Variants in SYNE2 observed in about 807,000 individuals in gnomAD.
SYNE2 encodes the protein nesprin-2.
SYNE2 carries 431 observed loss-of-function variants against 856.3 expected under a neutral mutation model. The ratio of observed to expected loss-of-function variants is 0.50; its 90% CI spans 0.47 to 0.55. The LOEUF is 0.55. SYNE2 is among the 20% of genes least tolerant of loss of function. The probability of loss-of-function intolerance (pLI) is 0.00; values close to 1 mark genes in which losing one functional copy is unlikely to be tolerated. For synonymous variants in SYNE2, 2,923 were observed against 2,872.3 expected, an observed-to-expected ratio of 1.02 and a Z score of -0.56; for missense variants, 8,129 against 8,023.2, an observed-to-expected ratio of 1.01 and a Z score of -0.50.
chr14:64,184,578 C>T (rs959829197), intron 96 of SYNE2, among the ~76,000 whole-genome samples: 41 of 152,162 alleles, frequency 2.7e-4, no homozygotes, highest in African/African-American at 9.9e-4. Context: ...TGCCACCTGA[C>T]TGGGAAACTC....
chr14:63,876,728 C>T (rs963099943), intron 1 of SYNE2, among the ~76,000 whole-genome samples: 7 of 152,216 alleles, frequency 4.6e-5, no homozygotes, highest in East Asian at 1.9e-4. Flanking sequence ...CCTTGTGATC[C>T]GCCCACCTCA....
chr14:64,215,552 C>T (rs887353708), intron 107 of SYNE2, 198 bp downstream of exon 107: 17 of 646,776 alleles, frequency 2.6e-5, no homozygotes, highest in East Asian at 1.4e-4. Flanking sequence ...AAGCCAGAGC[C>T]GTCTCGATGC....
Position 64,175,078 on chromosome 14 carries a change from C to G in SYNE2, c.17370C>G (p.Ser5790Arg). The G allele has an allele frequency of 6.2e-7, 1 of 1,614,176 alleles. No individual in the cohort carries two copies. The highest frequency in any genetic ancestry group is 1.1e-5 in the South Asian group (1 of 91,072). Reference protein sequence around the residue: ...VGRRISQLQDSWKDMEPQLAE... With the variant: ...VGRRISQLQDRWKDMEPQLAE... ...GGAGAATCAGTCAACTTCAGGACAGCTGGAAAGACATGGAGCCCCAGCTGG... is the reference window on the plus strand; with the variant it reads ...GGAGAATCAGTCAACTTCAGGACAGGTGGAAAGACATGGAGCCCCAGCTGG... Residue 5790 changes from serine (S) to arginine (R), a missense_variant, in exon 95 of 116, where the codon AGC (serine) becomes AGG (arginine). By Grantham distance (110) the Ser-to-Arg change is moderately radical. This residue lies in a region of SYNE2 where 5,410 missense variants were observed against 5,284.8 expected (regional missense o/e 1.02). Coordinates refer to ENST00000555002, the MANE Select transcript of SYNE2 (RefSeq NM_182914.3).
In SYNE2 at chr14:64,002,725, C is replaced by G. The variant is rs970964370; in HGVS notation, c.3792C>G (p.Ile1264Met). The G allele has an allele frequency of 5.6e-6, 9 of 1,611,704 alleles. No homozygotes were observed. Among genetic ancestry groups the G allele is most frequent in the African/African-American group, 1.3e-5 (1 of 74,812 alleles). ...TTTTCTTATCTTTATTTTAGAATAT[C>G]CAAGATTCCATAGCAAAACAGATTG... Reference protein sequence around the residue: ...ADRIYQHLRNIQDSIAKQIEI... With the variant: ...ADRIYQHLRNMQDSIAKQIEI... Residue 1264 changes from isoleucine (I) to methionine (M), a missense_variant, in exon 30 of 116, where the codon ATC (isoleucine) becomes ATG (methionine). This residue lies in a region of SYNE2 where 2,422 missense variants were observed against 2,357.4 expected (regional missense o/e 1.03). Transcript: ENST00000555002.
chr14:63,765,857 C>A (rs1315714118), intron 1 of SYNE2, among the ~76,000 whole-genome samples: 1 of 151,998 alleles, frequency 6.6e-6, no homozygotes, highest in Admixed American at 6.6e-5. Flanking sequence ...TATATCTGCC[C>A]TGGCCAGGTG....
At chr14:64,125,660 T>C (rs1053270428) in intron 71 of SYNE2, among the ~76,000 whole-genome samples, 2 of 152,180 alleles carry the variant, frequency 1.3e-5, no homozygotes, top group Non-Finnish European at 1.5e-5. Flanking sequence ...AAACTACTTA[T>C]AACTGTTCAA....
Position 63,977,938 on chromosome 14 carries a change from A to G in SYNE2, c.1327A>G (p.Ile443Val). ...LMDRFEHHSNILLTFENKDEN... is the reference protein window; with the variant it reads ...LMDRFEHHSNVLLTFENKDEN... Reference sequence around the variant, plus strand: ...GGATAGATTTGAGCATCATTCGAACATTCTCCTTACCTTTGAAAATAAGGA... The same window carrying G: ...GGATAGATTTGAGCATCATTCGAACGTTCTCCTTACCTTTGAAAATAAGGA... Residue 443 changes from isoleucine (I) to valine (V), a missense_variant, in exon 13 of 116, where the codon ATT (isoleucine) becomes GTT (valine). By Grantham distance (29) the Ile-to-Val change is conservative (BLOSUM62 3). This residue lies in a region of SYNE2 where 2,422 missense variants were observed against 2,357.4 expected (regional missense o/e 1.03). Coordinates refer to ENST00000555002, the MANE Select transcript of SYNE2 (RefSeq NM_182914.3). The G allele has an allele frequency of 1.2e-6, 2 of 1,613,964 alleles. No individual in the cohort carries two copies. The highest frequency in any genetic ancestry group is 2.2e-5 in the East Asian group (1 of 44,866).
At chr14:64,158,444 A>G (rs1321139110) in intron 85 of SYNE2, among the ~76,000 whole-genome samples, 181 bp from the exon 86 acceptor site, 1 of 152,192 alleles carries the variant, frequency 6.6e-6, no homozygotes, top group Non-Finnish European at 1.5e-5. Flanking sequence ...CACTCATTAT[A>G]AAACAGCCTT....
chr14:64,205,883 A>G (rs1015481201), intron 100 of SYNE2, among the ~76,000 whole-genome samples: 1 of 151,818 alleles, frequency 6.6e-6, no homozygotes, highest in Non-Finnish European at 1.5e-5. Flanking sequence ...TTACCCTTCC[A>G]CTGGCTAATT....
chr14:64,138,397 A>G (rs1335053592), intron 79 of SYNE2, among the ~76,000 whole-genome samples: 2 of 151,846 alleles, frequency 1.3e-5, no homozygotes, highest in African/African-American at 4.8e-5. Flanking sequence ...GTGCATGGCT[A>G]ATTTTATAAA....
chr14:63,863,917 CG>C (rs1894482902), intron 1 of SYNE2, among the ~76,000 whole-genome samples: 1 of 152,096 alleles, frequency 6.6e-6, no homozygotes, highest in Non-Finnish European at 1.5e-5. Flanking sequence ...CTCCACCTCC[CG>C]GGTTCAAGCA....
At chr14:63,892,726 T>C (rs1411074715) in intron 1 of SYNE2, among the ~76,000 whole-genome samples, 1 of 89,086 alleles carries the variant, frequency 1.1e-5, no homozygotes, top group African/African-American at 4.7e-5. Flanking sequence ...CTTGGTGTAC[T>C]TTCTTTTTTT....
intron 1 of SYNE2, among the ~76,000 whole-genome samples, chr14:63,876,247 T>C (rs1370946107): frequency 2.0e-5 from 1 of 50,836 alleles, no homozygotes; most frequent in East Asian, 3.9e-4. Context: ...ACTCTATCTC[T>C]ACAAAAAAAA....
chr14:64,135,110 T>C (rs935121535), intron 78 of SYNE2, among the ~76,000 whole-genome samples: 2 of 152,236 alleles, frequency 1.3e-5, no homozygotes, highest in African/African-American at 2.4e-5. Flanking sequence ...AAAATAGTTT[T>C]CAAGTGACAT....
At chr14:64,136,419 GAC>G (rs1330426986) in intron 78 of SYNE2, among the ~76,000 whole-genome samples, 1 of 149,212 alleles carries the variant, frequency 6.7e-6, no homozygotes, top group Non-Finnish European at 1.5e-5. Flanking sequence ...CAGATGCTCA[GAC>G]ACGGGGGGGA....
chr14:63,764,171 A>G (rs1886589075), intron 1 of SYNE2, among the ~76,000 whole-genome samples: 1 of 152,230 alleles, frequency 6.6e-6, no homozygotes. Flanking sequence ...ATGTCTGGTC[A>G]CAGATAAAAC....
At chr14:64,167,126 C>A in intron 90 of SYNE2, 107 bp from the exon 91 acceptor site, 1 of 1,424,620 alleles carries the variant, frequency 7.0e-7, no homozygotes, top group Non-Finnish European at 9.7e-7. Flanking sequence ...AAGTCATTTG[C>A]CTGTTCAGGC....
At chr14:63,806,875 AT>A (rs200822464) in intron 1 of SYNE2, among the ~76,000 whole-genome samples, 13,010 of 138,438 alleles carry the variant, frequency 0.094, 536 homozygotes, top group Admixed American at 0.13. Flanking sequence ...TAAACTTAAA[AT>A]TTTTTTTTTT....
intron 1 of SYNE2, among the ~76,000 whole-genome samples, chr14:63,816,229 G>C (rs1307328639): frequency 6.6e-6 from 1 of 152,076 alleles, no homozygotes; most frequent in Non-Finnish European, 1.5e-5. Flanking sequence ...TTACAGGCGT[G>C]AGCCACCATG....
Sources: gnomAD v4.1 joint callset for allele counts (sites outside exome capture counted in the v4.1 genomes callset) on GRCh38, gnomAD v4.1.1 for gene constraint, gnomAD v4.1.1 regional missense constraint, MANE v1.5 for transcripts, NCBI Gene and HGNC (gene_info 2026-07-23, HGNC 2026-07-21) for gene names.